DARS2: variants seen among roughly 807,000 people sequenced by gnomAD.
DARS2 encodes aspartate--tRNA ligase, mitochondrial.
Under a neutral mutation model 83.0 loss-of-function variants are expected in DARS2, and 63 were observed. That is an observed-to-expected ratio of 0.76 (90% CI 0.62 to 0.94). DARS2 has a LOEUF of 0.94. Among genes scored for constraint, DARS2 ranks in the 40% least tolerant of loss-of-function variants. DARS2 has a pLI of 0.00. For missense variants in DARS2, 675 were observed against 774.4 expected (o/e 0.87, Z 1.52); for synonymous variants, 250 against 269.3 (o/e 0.93, Z 0.70).
chr1:173,855,862 T>C (rs1234957368), intron 15 of DARS2, among the ~76,000 whole-genome samples: 1 of 151,346 alleles, frequency 6.6e-6, no homozygotes, highest in East Asian at 1.9e-4. Flanking sequence ...CATTTTGCCA[T>C]GTTGGCCAGG....
intron 14 of DARS2, 30 bp downstream of exon 14, chr1:173,853,597 G>A (rs1653755985): frequency 6.2e-7 from 1 of 1,611,850 alleles, no homozygotes; most frequent in Non-Finnish European, 8.5e-7. Flanking sequence ...AAATCAAAAG[G>A]AAATGTGTAT....
intron 11 of DARS2, among the ~76,000 whole-genome samples, chr1:173,843,327 G>C (rs6696381): frequency 0.082 from 12,524 of 152,190 alleles, 742 homozygotes; most frequent in East Asian, 0.31. Flanking sequence ...TTGGGAGGCT[G>C]AGGCGGGCGG....
intron 2 of DARS2, 129 bp from the exon 3 acceptor site, chr1:173,828,201 AATT>A (rs1289499194): frequency 1.1e-6 from 1 of 922,064 alleles, no homozygotes; most frequent in East Asian, 2.7e-5. Context: ...AAACATGAAA[AATT>A]ATAATTATCA....
chr1:173,852,407 C>A, intron 13 of DARS2: 2 of 369,226 alleles, frequency 5.4e-6, no homozygotes, highest in Non-Finnish European at 7.5e-6. Flanking sequence ...AGTCACAGAG[C>A]TTAAAATTTT....
At chr1:173,845,874 T>A (rs1276013223) in intron 12 of DARS2, among the ~76,000 whole-genome samples, 2 of 151,982 alleles carry the variant, frequency 1.3e-5, no homozygotes, top group Non-Finnish European at 2.9e-5. Context: ...ATAAAAAAAA[T>A]TGGCCGGGCG....
intron 3 of DARS2, 25 bp from the exon 4 acceptor site, chr1:173,830,635 A>T: frequency 6.3e-7 from 1 of 1,575,362 alleles, no homozygotes; most frequent in Non-Finnish European, 8.7e-7. Flanking sequence ...TGTTTCTCAG[A>T]ACTCTTTTCC....
chr1:173,828,693 T>C (rs1265227962), intron 3 of DARS2, among the ~76,000 whole-genome samples: 1 of 152,206 alleles, frequency 6.6e-6, no homozygotes, highest in African/African-American at 2.4e-5. Flanking sequence ...TGAAACTGCA[T>C]GTAATTGTCA....
In DARS2 at chr1:173,851,763, G is replaced by A. The variant is rs1202926636; in HGVS notation, c.1344+1284G>A. ...AGTATATAGTTTTTTCAAAATGATA[G>A]TGTGTCTAACTAGTACTTCATCAAG... On this transcript the variant is annotated intron_variant, in intron 13 of 16. Coordinates refer to ENST00000649689, the MANE Select transcript of DARS2 (RefSeq NM_018122.5). The A allele has an allele frequency of 1.8e-5, 15 of 853,406 alleles. No homozygotes were observed. The Admixed American group carries it at 8.1e-4, about 46-fold the overall frequency. 52.9% of individuals were successfully genotyped at this position (853,406 alleles called of 1,614,324 possible).
At chr1:173,841,348 G>T (rs1653200826) in intron 11 of DARS2, among the ~76,000 whole-genome samples, 1 of 151,668 alleles carries the variant, frequency 6.6e-6, no homozygotes, top group Admixed American at 6.6e-5. Flanking sequence ...TTGCACTCCA[G>T]CCTGGGCAAT....
intron 6 of DARS2, 58 bp downstream of exon 6, chr1:173,833,557 A>T (rs1652872985): frequency 6.2e-7 from 1 of 1,609,408 alleles, no homozygotes; most frequent in Non-Finnish European, 8.5e-7. Context: ...TATTTTATTC[A>T]GCAGTTTTAT....
chr1:173,849,861 CTTTTT>C (rs10558579), intron 12 of DARS2, among the ~76,000 whole-genome samples: 1,440 of 109,960 alleles, frequency 0.013, 20 homozygotes, highest in African/African-American at 0.048. Flanking sequence ...GTTGAAATGA[CTTTTT>C]TTTTTTTTTT....
intron 12 of DARS2, among the ~76,000 whole-genome samples, chr1:173,847,519 A>AT (rs1338505730): frequency 1.3e-5 from 2 of 151,892 alleles, no homozygotes; most frequent in South Asian, 4.1e-4. Flanking sequence ...TACTACTACT[A>AT]TTTTTTATGA....
rs201213399 is a variant in DARS2, at chr1:173,841,735, G to A, written c.1128+762G>A. Among the ~76,000 whole-genome samples the A allele has an allele frequency of 6.6e-5, 10 of 152,250 alleles. No homozygotes were observed. The East Asian group carries it at 1.7e-3, about 26-fold the overall frequency. On this transcript the variant is annotated intron_variant, in intron 11 of 16. Transcript: ENST00000649689. ...GATCACTTGAGGCAAAGTGTTCAAG[G>A]CTGCAGTAAGCCATGATTGTGCCAC...
rs556041721 is a variant in DARS2 at position 173,840,399 on chromosome 1, G to A, written c.1021-467G>A. 8.5e-5 allele frequency among the ~76,000 whole-genome samples: 13 copies of A among 152,166 alleles called. No individual in the cohort carries two copies. The South Asian group carries it at 2.3e-3, about 27-fold the overall frequency. On this transcript the variant is annotated intron_variant, in intron 10 of 16. Transcript: ENST00000649689. The stretch of plus-strand genomic sequence containing the variant: ...GATTACAGGCGCATACCACCACACC[G>A]GCTAATTTTTGTATTTTTAGTAGAG...
chr1:173,837,626 G>A (rs1653052085), intron 8 of DARS2, among the ~76,000 whole-genome samples: 2 of 152,162 alleles, frequency 1.3e-5, no homozygotes, highest in African/African-American at 2.4e-5. Flanking sequence ...AAAAGAGCTG[G>A]CATGGACTGA....
chr1:173,826,178 C>G (rs567705477), intron 1 of DARS2, among the ~76,000 whole-genome samples: 1 of 151,002 alleles, frequency 6.6e-6, no homozygotes, highest in Admixed American at 6.6e-5. Context: ...GAGCCGAGAT[C>G]GCGCCACTGC....
chr1:173,844,350 G>A lies in DARS2; in HGVS notation c.1129-879G>A, dbSNP rs1653337847. 2.6e-5 allele frequency among the ~76,000 whole-genome samples: 4 copies of A among 152,082 alleles called. No homozygotes were observed. The South Asian group carries it at 8.3e-4, about 31-fold the overall frequency. ...GCATATTAGATATAGAGGGTCTCCT[G>A]TGGAATACATTCACAGCTATTTCCA... On this transcript the variant is annotated intron_variant, in intron 11 of 16. Transcript: ENST00000649689.
intron 11 of DARS2, among the ~76,000 whole-genome samples, chr1:173,844,900 TC>T (rs1653372025): frequency 6.8e-6 from 1 of 147,834 alleles, no homozygotes; most frequent in Non-Finnish European, 1.5e-5. Context: ...TTCATGTGAT[TC>T]TCCTGCCTCA....
At chr1:173,857,116 T>C (rs919533571) in intron 16 of DARS2, among the ~76,000 whole-genome samples, 3 of 152,134 alleles carry the variant, frequency 2.0e-5, no homozygotes, top group Admixed American at 2.0e-4. Flanking sequence ...CTCACTTTGC[T>C]TGTTTTGTCA....
Sources: allele counts gnomAD v4.1 joint callset (sites outside exome capture counted in the v4.1 genomes callset), GRCh38; gene constraint gnomAD v4.1.1; transcripts MANE v1.5; gene names NCBI Gene and HGNC (gene_info 2026-07-23, HGNC 2026-07-21).